ELP1: variants seen among roughly 807,000 people sequenced by gnomAD.
ELP1 encodes the protein elongator complex protein 1.
A neutral mutation model predicts 183.2 loss-of-function variants in ELP1; 131 were observed. The ratio of observed to expected loss-of-function variants is 0.72; its 90% CI spans 0.62 to 0.83. The LOEUF is 0.83. Ranked by LOEUF, ELP1 falls within the 40% of genes least tolerant of loss-of-function variation. The pLI is 0.00. For synonymous variants in ELP1, 555 were observed against 569.0 expected (o/e 0.98, Z 0.35); for missense variants, 1,550 against 1,594.9 (o/e 0.97, Z 0.48).
At chr9:108,885,611 G>A (rs914010953) in intron 29 of ELP1, among the ~76,000 whole-genome samples, 13 of 152,200 alleles carry the variant, frequency 8.5e-5, no homozygotes, top group Non-Finnish European at 1.6e-4. Context: ...CAAGAGCTGG[G>A]AGAAAGAGCT....
At chr9:108,932,243 T>C (rs555639910) in intron 1 of ELP1, among the ~76,000 whole-genome samples, 4 of 152,342 alleles carry the variant, frequency 2.6e-5, no homozygotes, top group Admixed American at 2.6e-4. Context: ...GGTAAGTTTA[T>C]ATATGATGGA....
At chr9:108,906,003 CA>C (rs1316471919) in intron 14 of ELP1, among the ~76,000 whole-genome samples, 1 of 152,072 alleles carries the variant, frequency 6.6e-6, no homozygotes, top group Non-Finnish European at 1.5e-5. Flanking sequence ...TCAATTATAA[CA>C]TATAACAATC....
At chr9:108,919,501 T>C (rs2132031788) in intron 6 of ELP1, 152 bp from the exon 7 acceptor site, 1 of 546,034 alleles carries the variant, frequency 1.8e-6, no homozygotes, top group South Asian at 2.8e-5. Context: ...AAGGGTTGGT[T>C]CTTAGAACGC....
In ELP1 at chr9:108,881,701, T is replaced by C. The variant is rs1350316196; in HGVS notation, c.3346+4A>G. The C allele has an allele frequency of 1.9e-6, 3 of 1,555,358 alleles. No homozygotes were observed. Among genetic ancestry groups the C allele is most frequent in the Non-Finnish European group, 2.7e-6 (3 of 1,126,978 alleles). Reference sequence around the variant, plus strand: ...AGGAATTCTATCTAAAATGGAACCCTCACCTTCTAAAATGGAAGGCTTTAC... The same window carrying C: ...AGGAATTCTATCTAAAATGGAACCCCCACCTTCTAAAATGGAAGGCTTTAC... On this transcript the variant is annotated splice_donor_region_variant and intron_variant, in intron 31 of 36. Coordinates refer to ENST00000374647, the MANE Select transcript of ELP1 (RefSeq NM_003640.5).
At chr9:108,901,795 C>T in intron 16 of ELP1, 114 bp from the exon 17 acceptor site, 1 of 1,023,520 alleles carries the variant, frequency 9.8e-7, no homozygotes, top group Non-Finnish European at 1.5e-6. Flanking sequence ...TTCCTGTAAT[C>T]AGGACTAAAG....
chr9:108,925,127 G>C (rs1829786087), intron 5 of ELP1, among the ~76,000 whole-genome samples: 1 of 151,860 alleles, frequency 6.6e-6, no homozygotes, highest in Non-Finnish European at 1.5e-5. Context: ...CCTCCTACCT[G>C]ATCACCCTGC....
At chr9:108,930,525 C>T (rs1452082563) in intron 2 of ELP1, among the ~76,000 whole-genome samples, 1 of 152,036 alleles carries the variant, frequency 6.6e-6, no homozygotes, top group South Asian at 2.1e-4. Context: ...CGCACATCTA[C>T]TAAAAATACA....
intron 29 of ELP1, among the ~76,000 whole-genome samples, chr9:108,885,207 C>T (rs951686143): frequency 1.3e-5 from 2 of 151,442 alleles, no homozygotes; most frequent in Non-Finnish European, 2.9e-5. Flanking sequence ...ATATAGAATA[C>T]AGAAAAATCA....
chr9:108,900,821 ACGC>A lies in ELP1; in HGVS notation c.2015-449_2015-447del, dbSNP rs1420017066. Among the ~76,000 whole-genome samples the A allele has an allele frequency of 1.4e-4, 17 of 123,198 alleles. 7 individuals carry two copies. The highest frequency in any genetic ancestry group is 4.6e-4 in the African/African-American group (15 of 32,290). The allele number at this position is 123,198 out of a possible 152,430, so 80.8% of individuals were successfully genotyped here. On this transcript the variant is annotated intron_variant, in intron 18 of 36. Coordinates refer to ENST00000374647, the MANE Select transcript of ELP1 (RefSeq NM_003640.5). Reference sequence around the variant, plus strand: ...ACACATACACGCCACACACACATACACGCCACACACACATACACGCCACACACA... The same window carrying A: ...ACACATACACGCCACACACACATACACACACACACATACACGCCACACACA...
At chr9:108,924,405 CT>C (rs1292969540) in intron 5 of ELP1, among the ~76,000 whole-genome samples, 1 of 149,612 alleles carries the variant, frequency 6.7e-6, no homozygotes, top group Non-Finnish European at 1.5e-5. Context: ...TTTTTTTGTA[CT>C]GAGAAACACA....
Position 108,874,920 on chromosome 9 carries a change from TTGCTGATAAGA to T in ELP1, c.3895_3905del (p.Ser1299ThrfsTer9). Reference sequence around the variant, plus strand: ...CAAGAACAGGAACCGAAGTCTTCTGTTGCTGATAAGATGCCATGATACTATTTGCAGTAGAA... The same window carrying T: ...CAAGAACAGGAACCGAAGTCTTCTGTTGCCATGATACTATTTGCAGTAGAA... On this transcript the variant is annotated frameshift_variant, in exon 36 of 37. Coordinates refer to ENST00000374647, the MANE Select transcript of ELP1 (RefSeq NM_003640.5). LOFTEE classifies it high-confidence loss of function. 6.2e-7 allele frequency: 1 copy of T among 1,612,642 alleles called. No homozygotes were observed. Among genetic ancestry groups the T allele is most frequent in the Non-Finnish European group, 8.5e-7 (1 of 1,178,720 alleles).
chr9:108,900,788 C>T (rs905259616), intron 18 of ELP1, among the ~76,000 whole-genome samples: 24 of 148,146 alleles, frequency 1.6e-4, no homozygotes, highest in East Asian at 6.0e-4. Flanking sequence ...CACACATACA[C>T]GCCACACACA....
At chr9:108,912,794 G>T (rs201752086) in intron 10 of ELP1, among the ~76,000 whole-genome samples, 1 of 141,370 alleles carries the variant, frequency 7.1e-6, no homozygotes, top group Non-Finnish European at 1.5e-5. Flanking sequence ...TCGCTCTGCC[G>T]GCCAGGCTGG....
chr9:108,908,468 A>G (rs913093855), intron 12 of ELP1, 64 bp from the exon 13 acceptor site: 34 of 1,213,838 alleles, frequency 2.8e-5, no homozygotes, highest in Non-Finnish European at 3.8e-5. Flanking sequence ...TACTAAGGGG[A>G]TGGTGTCTGC....
intron 18 of ELP1, among the ~76,000 whole-genome samples, chr9:108,900,835 T>C (rs1428110810): frequency 3.5e-5 from 2 of 57,682 alleles, no homozygotes; most frequent in Non-Finnish European, 6.4e-5. Context: ...CACACACACA[T>C]ACACGCCACA....
At chr9:108,889,022 C>A (rs766261043) in intron 29 of ELP1, among the ~76,000 whole-genome samples, 1 of 152,186 alleles carries the variant, frequency 6.6e-6, no homozygotes, top group South Asian at 2.1e-4. Context: ...GGTCCTTTCT[C>A]ATTGTTTCTA....
chr9:108,881,461 A>G (rs1827926832), intron 31 of ELP1, among the ~76,000 whole-genome samples: 1 of 152,222 alleles, frequency 6.6e-6, no homozygotes, highest in Non-Finnish European at 1.5e-5. Flanking sequence ...TACTATTTCC[A>G]AATACAAAGA....
intron 32 of ELP1, 85 bp downstream of exon 32, chr9:108,879,967 C>T (rs1013640750): frequency 5.0e-5 from 44 of 884,340 alleles, no homozygotes; most frequent in Non-Finnish European, 6.9e-5. Flanking sequence ...AGATTGCAGG[C>T]GGATCACCAA....
At chr9:108,905,865 G>GTA (rs1564091518) in intron 14 of ELP1, among the ~76,000 whole-genome samples, 1 of 83,826 alleles carries the variant, frequency 1.2e-5, no homozygotes, top group Non-Finnish European at 2.3e-5. Context: ...GAAAAGGTAT[G>GTA]TATACACACA....
Sources: allele counts gnomAD v4.1 joint callset (sites outside exome capture counted in the v4.1 genomes callset), GRCh38; gene constraint gnomAD v4.1.1; transcripts MANE v1.5; gene names NCBI Gene and HGNC (gene_info 2026-07-23, HGNC 2026-07-21).